ZBTB20: variants seen among roughly 807,000 people sequenced by gnomAD.
ZBTB20 encodes zinc finger and BTB domain containing 20, also known as zinc finger and BTB domain-containing protein 20.
ZBTB20 carries 9 observed loss-of-function variants against 56.9 expected under a neutral mutation model. The ratio of observed to expected loss-of-function variants is 0.16; its 90% CI spans 0.10 to 0.28. ZBTB20 has a LOEUF of 0.28. Among genes scored for constraint, ZBTB20 ranks in the 10% least tolerant of loss-of-function variants. The probability of loss-of-function intolerance (pLI) is 1.00; values close to 1 mark genes in which losing one functional copy is unlikely to be tolerated. For missense variants in ZBTB20, 655 were observed against 1,003.0 expected, an observed-to-expected ratio of 0.65 and a Z score of 4.69; for synonymous variants, 417 against 420.7, an observed-to-expected ratio of 0.99 and a Z score of 0.11.
intron 7 of ZBTB20, among the ~76,000 whole-genome samples, chr3:114,414,169 T>C (rs978734149): frequency 2.0e-5 from 3 of 152,168 alleles, no homozygotes; most frequent in Admixed American, 2.0e-4. Flanking sequence ...CCTCAGACTA[T>C]AATGTATATT....
At position 114,800,750 on chromosome 3, in the gene ZBTB20, AAAAATAAAATAAAATAAAATAAAAT is replaced by A. The variant is rs149193013; in HGVS notation, c.-343+326_-343+350del. Among the ~76,000 whole-genome samples the A allele has an allele frequency of 3.3e-4, 47 of 142,332 alleles. 1 individual carries two copies. The South Asian group carries it at 0.01, about 31-fold the overall frequency. The allele number at this position is 142,332 out of a possible 152,430, so 93.4% of individuals were successfully genotyped here. On this transcript the variant is annotated intron_variant, in intron 5 of 11. Coordinates refer to ENST00000675478, the MANE Select transcript of ZBTB20 (RefSeq NM_001348800.3). Reference sequence around the variant, plus strand: ...ATCTTTTACCTTCAGTGAGACTAGTAAAAATAAAATAAAATAAAATAAAATAAAATAAAATAAAATAAAATAAAAA... The same window carrying A: ...ATCTTTTACCTTCAGTGAGACTAGTAAAAATAAAATAAAATAAAATAAAAA...
At chr3:115,038,762 T>C (rs2081030465) in intron 2 of ZBTB20, among the ~76,000 whole-genome samples, 3 of 152,088 alleles carry the variant, frequency 2.0e-5, no homozygotes, top group Admixed American at 6.5e-5. Context: ...TTATTAAAAT[T>C]TTAATATTTT....
In ZBTB20 at chr3:114,347,076, GGTT is replaced by G. The variant is rs1222120644; in HGVS notation, c.1804+3195_1804+3197del. Reference sequence around the variant, plus strand: ...TGAATCTTATAATTTATTCTCTTCAGGTTTTTTTTTTTTTTTTTTTTTTTTTTT... The same window carrying G: ...TGAATCTTATAATTTATTCTCTTCAGTTTTTTTTTTTTTTTTTTTTTTTTT... On this transcript the variant is annotated intron_variant, in intron 11 of 11. Transcript: ENST00000675478. 1.1e-4 allele frequency among the ~76,000 whole-genome samples: 9 copies of G among 82,448 alleles called. No individual in the cohort carries two copies. In the Admixed American group the frequency reaches 1.7e-3, roughly 15 times the overall value. 54.1% of individuals were successfully genotyped at this position (82,448 alleles called of 152,430 possible).
chr3:114,751,098 AG>A (rs953111560), intron 5 of ZBTB20, among the ~76,000 whole-genome samples: 17 of 152,316 alleles, frequency 1.1e-4, no homozygotes, highest in Non-Finnish European at 2.2e-4. Context: ...GTCAAACATT[AG>A]CAAAGCAATT....
intron 7 of ZBTB20, among the ~76,000 whole-genome samples, chr3:114,445,962 AAAAC>A (rs1392856448): frequency 2.6e-5 from 4 of 151,988 alleles, no homozygotes; most frequent in South Asian, 2.1e-4. Flanking sequence ...TTTTCTTTTT[AAAAC>A]AAACAGAGTA....
At chr3:114,707,939 TCAA>T (rs2063816177) in intron 5 of ZBTB20, among the ~76,000 whole-genome samples, 2 of 152,144 alleles carry the variant, frequency 1.3e-5, no homozygotes, top group African/African-American at 4.8e-5. Flanking sequence ...TTGTACCTTA[TCAA>T]TCATGGTACT....
At position 114,338,967 on chromosome 3, in the gene ZBTB20, G is replaced by C; in HGVS notation, c.*38C>G. 6.8e-7 allele frequency: 1 copy of C among 1,467,020 alleles called. No homozygotes were observed. Among genetic ancestry groups the C allele is most frequent in the Non-Finnish European group, 9.1e-7 (1 of 1,104,494 alleles). The allele number at this position is 1,467,020 out of a possible 1,614,324, so 90.9% of individuals were successfully genotyped here. A position where few individuals can be genotyped will look rare whatever the true frequency, so the allele number is the denominator to read the frequency against. On this transcript the variant is annotated 3_prime_UTR_variant, in exon 12 of 12. Transcript: ENST00000675478. Reference sequence around the variant, plus strand: ...TTTTGTTTGTTTGTTTTTTGTTGTTGTTTTGTTTTGTTCATAAGAAAGAGA... The same window carrying C: ...TTTTGTTTGTTTGTTTTTTGTTGTTCTTTTGTTTTGTTCATAAGAAAGAGA...
intron 3 of ZBTB20, among the ~76,000 whole-genome samples, chr3:114,955,573 G>A (rs1353094341): frequency 6.6e-6 from 1 of 152,024 alleles, no homozygotes; most frequent in Non-Finnish European, 1.5e-5. Flanking sequence ...CATCATCTTA[G>A]CTCTAGTACT....
At chr3:115,039,456 A>G (rs1466692604) in intron 2 of ZBTB20, among the ~76,000 whole-genome samples, 1 of 152,070 alleles carries the variant, frequency 6.6e-6, no homozygotes, top group African/African-American at 2.4e-5. Context: ...CTCAAAGTAA[A>G]TAAGAACCTC....
chr3:115,033,404 G>A (rs1265154813), intron 2 of ZBTB20, among the ~76,000 whole-genome samples: 4 of 151,530 alleles, frequency 2.6e-5, no homozygotes, highest in Non-Finnish European at 5.9e-5. Flanking sequence ...TCCTGGACCT[G>A]ATGACTTCAC....
intron 7 of ZBTB20, among the ~76,000 whole-genome samples, chr3:114,448,054 A>G (rs1365015200): frequency 4.6e-5 from 7 of 152,160 alleles, no homozygotes; most frequent in Admixed American, 4.6e-4. Flanking sequence ...GAAAATCTCT[A>G]GCTGGCAGGT....
intron 6 of ZBTB20, among the ~76,000 whole-genome samples, chr3:114,617,747 T>C (rs1398828391): frequency 1.3e-5 from 2 of 152,184 alleles, no homozygotes; most frequent in Non-Finnish European, 2.9e-5. Context: ...ACTCAAACTT[T>C]CCAGATACAT....
At position 114,659,678 on chromosome 3, in the gene ZBTB20, C is replaced by G. The variant is rs147828675; in HGVS notation, c.-295+33850G>C. Among the ~76,000 whole-genome samples the G allele has an allele frequency of 1.3e-3, 194 of 152,272 alleles. 3 individuals carry two copies. Among genetic ancestry groups the G allele is most frequent in the African/African-American group, 4.5e-3 (186 of 41,568 alleles). Reference sequence around the variant, plus strand: ...CATGCTGTTCAGGGGAAGTTACTGGCTTTTGAACTGGCGGTTTGAAAACGA... The same window carrying G: ...CATGCTGTTCAGGGGAAGTTACTGGGTTTTGAACTGGCGGTTTGAAAACGA... On this transcript the variant is annotated intron_variant, in intron 6 of 11. Transcript: ENST00000675478.
chr3:114,437,788 T>C (rs1352698821), intron 7 of ZBTB20, among the ~76,000 whole-genome samples: 3 of 152,140 alleles, frequency 2.0e-5, no homozygotes, highest in African/African-American at 2.4e-5. Context: ...GAGCCAGTCA[T>C]GTGGAATTTA....
intron 6 of ZBTB20, among the ~76,000 whole-genome samples, chr3:114,636,928 A>AC (rs1382582919): frequency 3.6e-4 from 14 of 38,552 alleles, no homozygotes; most frequent in South Asian, 2.8e-3. Flanking sequence ...AACAACAACA[A>AC]AAAACAACAA....
chr3:114,644,355 T>A (rs2059723872), intron 6 of ZBTB20, among the ~76,000 whole-genome samples: 1 of 152,090 alleles, frequency 6.6e-6, no homozygotes, highest in Non-Finnish European at 1.5e-5. Context: ...AAGAACAAAT[T>A]TGCCAGTGCC....
intron 6 of ZBTB20, among the ~76,000 whole-genome samples, chr3:114,508,210 G>A (rs1195948792): frequency 6.6e-6 from 1 of 152,102 alleles, no homozygotes; most frequent in Non-Finnish European, 1.5e-5. Context: ...TGACCAAAAT[G>A]TGCCCCATAT....
rs754853149 is a variant in ZBTB20, at chr3:114,339,141, G to A, written c.2090C>T (p.Pro697Leu). Residue 697 changes from proline (P) to leucine (L), a missense_variant, in exon 12 of 12, where the codon CCA becomes CTA. Around this residue, in one of 10 missense-constraint regions of ZBTB20, gnomAD observed 89 missense variants for 79.7 expected, o/e 1.12. Coordinates refer to ENST00000675478, the MANE Select transcript of ZBTB20 (RefSeq NM_001348800.3). The surrounding 1 kb of genome is among the most constrained non-coding windows in gnomAD (Gnocchi z 4.2). Reference protein sequence around the residue: ...SNGTPPAGTPPGARAGPPGVV... With the variant: ...SNGTPPAGTPLGARAGPPGVV... ...GCCTGGGGGGCCAGCGCGGGCACCTGGGGGTGTGCCTGCAGGGGGGGTCCC... is the reference window on the plus strand; with the variant it reads ...GCCTGGGGGGCCAGCGCGGGCACCTAGGGGTGTGCCTGCAGGGGGGGTCCC... 87 of 1,613,384 alleles carry A rather than the reference G, an allele frequency of 5.4e-5. 1 individual carries two copies. The highest frequency in any genetic ancestry group is 6.6e-5 in the Non-Finnish European group (78 of 1,179,552).
chr3:115,026,582 G>T (rs2080435648), intron 2 of ZBTB20, among the ~76,000 whole-genome samples: 1 of 150,670 alleles, frequency 6.6e-6, no homozygotes, highest in African/African-American at 2.4e-5. Context: ...CTTTACCTAA[G>T]TACTAAATGT....
Sources: allele counts gnomAD v4.1 joint callset (sites outside exome capture counted in the v4.1 genomes callset), GRCh38; gene constraint gnomAD v4.1.1; regional missense constraint gnomAD v4.1.1; non-coding constraint Gnocchi (gnomAD v3.1); transcripts MANE v1.5; gene names NCBI Gene and HGNC (gene_info 2026-07-23, HGNC 2026-07-21).